Variants in DMD observed in about 807,000 individuals in gnomAD.
DMD encodes dystrophin, also known as mutant dystrophin.
Under a neutral mutation model 330.1 loss-of-function variants are expected in DMD, and 63 were observed. The observed-to-expected ratio is 0.19, with a 90% CI of 0.16 to 0.24. The LOEUF (loss-of-function observed/expected upper bound fraction) is 0.24, where lower values mean the gene tolerates loss of function less well. Ranked by LOEUF, DMD falls within the 10% of genes least tolerant of loss-of-function variation. The pLI is 1.00. For missense variants in DMD, 3,344 were observed against 2,684.1 expected (o/e 1.25, Z -5.43); for synonymous variants, 1,223 against 959.8 (o/e 1.27, Z -5.07).
At chrX:32,569,921 G>T (rs767763996) in intron 15 of DMD, among the ~76,000 whole-genome samples, 6 of 111,366 alleles carry the variant, frequency 5.4e-5, no homozygotes, top group Non-Finnish European at 1.1e-4. Context: ...GATTCTACAA[G>T]TCTTATAATT....
At chrX:32,202,143 C>A (rs2147733188) in intron 44 of DMD, among the ~76,000 whole-genome samples, 1 of 111,311 alleles carries the variant, frequency 9.0e-6, no homozygotes, top group African/African-American at 3.3e-5. Flanking sequence ...TCAACCCTCT[C>A]AAAGTTTATG....
At chrX:32,329,303 G>A (rs978441532) in intron 41 of DMD, among the ~76,000 whole-genome samples, 2 of 112,240 alleles carry the variant, frequency 1.8e-5, no homozygotes, top group Non-Finnish European at 3.8e-5. Context: ...ATAGGTTGTC[G>A]AAGGCAGGCC....
chrX:32,218,972 T>G (rs1181335303), intron 43 of DMD, among the ~76,000 whole-genome samples: 1 of 112,033 alleles, frequency 8.9e-6, no homozygotes, highest in African/African-American at 3.2e-5. Context: ...TACCCAAAAT[T>G]TAATAATGTA....
At chrX:33,009,679 T>C (rs1243738788) in intron 2 of DMD, among the ~76,000 whole-genome samples, 2 of 52,329 alleles carry the variant, frequency 3.8e-5, no homozygotes, top group Non-Finnish European at 9.1e-5. Context: ...TATACGTATA[T>C]GTGTATATGC....
At chrX:31,328,670 T>C in intron 61 of DMD, among the ~76,000 whole-genome samples, 1 of 111,805 alleles carries the variant, frequency 8.9e-6, no homozygotes, top group Non-Finnish European at 1.9e-5. Context: ...TAAGCCTTAT[T>C]TTCCTTATAT....
chrX:31,688,980 A>G (rs1448603909), intron 52 of DMD, among the ~76,000 whole-genome samples: 1 of 111,829 alleles, frequency 8.9e-6, no homozygotes, highest in Non-Finnish European at 1.9e-5. Flanking sequence ...CAAAATAGTA[A>G]GAGCTATTTA....
chrX:31,439,750 G>C (rs2064797324), intron 60 of DMD, among the ~76,000 whole-genome samples: 1 of 111,922 alleles, frequency 8.9e-6, no homozygotes, highest in South Asian at 3.7e-4. Flanking sequence ...GGTGAATAAA[G>C]AGATTGACTG....
chrX:32,905,011 A>G (rs1210167859), intron 2 of DMD, among the ~76,000 whole-genome samples: 2 of 112,562 alleles, frequency 1.8e-5, no homozygotes, highest in Non-Finnish European at 1.9e-5. Context: ...TTGTATGTAT[A>G]TATGTATTTC....
intron 44 of DMD, among the ~76,000 whole-genome samples, chrX:32,013,093 C>CTTTT (rs754162660): frequency 3.3e-5 from 2 of 61,198 alleles, no homozygotes; most frequent in Non-Finnish European, 2.6e-5. Context: ...CTTTTCTTTC[C>CTTTT]TTTTTTTTTT....
chrX:32,487,294 GC>G (rs1406879234), intron 20 of DMD, among the ~76,000 whole-genome samples: 6 of 111,538 alleles, frequency 5.4e-5, no homozygotes, highest in Non-Finnish European at 1.1e-4. Context: ...AGTTTTCACT[GC>G]CCTTTTTAAA....
At chrX:32,802,168 G>A (rs765458172) in intron 7 of DMD, among the ~76,000 whole-genome samples, 47 of 111,338 alleles carry the variant, frequency 4.2e-4, no homozygotes, top group South Asian at 3.4e-3. Context: ...ATTTGTTTGC[G>A]TCCTCTCTTA....
At chrX:33,115,602 C>T (rs1277242842) in intron 1 of DMD, among the ~76,000 whole-genome samples, 2 of 108,100 alleles carry the variant, frequency 1.9e-5, no homozygotes, top group Non-Finnish European at 1.9e-5. Flanking sequence ...AGCTCCGCCT[C>T]CTGGGTTCAC....
intron 13 of DMD, among the ~76,000 whole-genome samples, chrX:32,574,526 C>A (rs2149142987): frequency 9.0e-6 from 1 of 111,594 alleles, no homozygotes; most frequent in South Asian, 3.8e-4. Flanking sequence ...GGAAGGAAAA[C>A]AAATATTGTG....
intron 42 of DMD, among the ~76,000 whole-genome samples, chrX:32,292,386 C>A (rs1241519294): frequency 1.0e-5 from 1 of 97,091 alleles, no homozygotes; most frequent in African/African-American, 4.0e-5. Context: ...CTGCAAGCTC[C>A]GCCTCCCGGG....
Position 32,383,753 on chromosome X carries a change from A to C in DMD, c.4674+2557T>G, listed in dbSNP as rs776955102. Among the ~76,000 whole-genome samples, 4 of 110,876 alleles carry C rather than the reference A, an allele frequency of 3.6e-5. No individual in the cohort carries two copies. In the South Asian group the frequency reaches 1.5e-3, roughly 41 times the overall value. On this transcript the variant is annotated intron_variant, in intron 33 of 78. Transcript: ENST00000357033. ...CTCTCAGATATGTATTTTCAGGAAT[A>C]AATAGGGTTTGACATCATTACGAGA...
chrX:32,168,636 A>G (rs902083460), intron 44 of DMD, among the ~76,000 whole-genome samples: 5 of 110,860 alleles, frequency 4.5e-5, no homozygotes, highest in Non-Finnish European at 9.4e-5. Flanking sequence ...TGGAATAATA[A>G]CAAACTGTTA....
intron 16 of DMD, among the ~76,000 whole-genome samples, chrX:32,557,894 T>TA (rs1253545653): frequency 8.2e-5 from 9 of 110,365 alleles, no homozygotes; most frequent in African/African-American, 1.6e-4. Flanking sequence ...GCCTGGTAAC[T>TA]AAAATTTACT....
chrX:32,317,968 T>G (rs2097589834), intron 41 of DMD, among the ~76,000 whole-genome samples: 1 of 110,474 alleles, frequency 9.1e-6, no homozygotes, highest in Non-Finnish European at 1.9e-5. Flanking sequence ...AGTATGTCAG[T>G]TTGTATCTGA....
intron 29 of DMD, among the ~76,000 whole-genome samples, chrX:32,431,966 G>A (rs1372782332): frequency 9.0e-6 from 1 of 111,021 alleles, no homozygotes; most frequent in East Asian, 2.8e-4. Flanking sequence ...TAAACAATTT[G>A]CATTTGCTTC....
Sources: gnomAD v4.1 joint callset for allele counts (sites outside exome capture counted in the v4.1 genomes callset) on GRCh38, gnomAD v4.1.1 for gene constraint, MANE v1.5 for transcripts, NCBI Gene and HGNC (gene_info 2026-07-23, HGNC 2026-07-21) for gene names.